Variants in PPFIBP1 observed in about 807,000 individuals in gnomAD.
The protein encoded by PPFIBP1 is PPFIB scaffold protein 1, also known as liprin-beta-1.
Under a neutral mutation model 137.8 loss-of-function variants are expected in PPFIBP1, and 112 were observed. The ratio of observed to expected loss-of-function variants is 0.81; its 90% CI spans 0.70 to 0.95. The LOEUF is 0.95. PPFIBP1 is among the 40% of genes least tolerant of loss of function. The pLI is 0.00. For synonymous variants in PPFIBP1, 378 were observed against 417.3 expected (o/e 0.91, Z 1.15); for missense variants, 1,083 against 1,196.6 (o/e 0.91, Z 1.40).
intron 1 of PPFIBP1, among the ~76,000 whole-genome samples, chr12:27,577,837 G>A (rs1053465756): frequency 1.3e-5 from 2 of 151,998 alleles, no homozygotes; most frequent in African/African-American, 4.8e-5. Flanking sequence ...CCTACCATGT[G>A]CTACTACTAC....
intron 24 of PPFIBP1, among the ~76,000 whole-genome samples, chr12:27,683,779 T>A (rs990028406): frequency 1.3e-5 from 2 of 151,284 alleles, no homozygotes; most frequent in African/African-American, 4.8e-5. Flanking sequence ...TTTTTATTTT[T>A]ATTTTTATTT....
chr12:27,636,708 C>G (rs1418957558), intron 4 of PPFIBP1: 2 of 152,004 alleles, frequency 1.3e-5, no homozygotes, highest in Non-Finnish European at 2.9e-5. Flanking sequence ...CTCCTTTTTT[C>G]AGAAACTACC....
intron 13 of PPFIBP1, among the ~76,000 whole-genome samples, chr12:27,669,853 G>A (rs2060074547): frequency 6.6e-6 from 1 of 152,222 alleles, no homozygotes; most frequent in Admixed American, 6.5e-5. Context: ...ACTTAAGTAA[G>A]TGAGTGTTCC....
At chr12:27,571,645 C>A (rs570289391) in intron 1 of PPFIBP1, among the ~76,000 whole-genome samples, 1 of 152,284 alleles carries the variant, frequency 6.6e-6, no homozygotes, top group South Asian at 2.1e-4. Context: ...CCTATGATGA[C>A]CTCACTGGGG....
chr12:27,527,756 T>C (rs1169757470), intron 1 of PPFIBP1, among the ~76,000 whole-genome samples: 1 of 152,112 alleles, frequency 6.6e-6, no homozygotes, highest in Non-Finnish European at 1.5e-5. Context: ...GAAAGTCATA[T>C]TAGCTCCAAA....
At chr12:27,688,139 A>C (rs2061311375) in intron 25 of PPFIBP1, 159 bp from the exon 26 acceptor site, 4 of 848,520 alleles carry the variant, frequency 4.7e-6, no homozygotes, top group Non-Finnish European at 5.5e-6. Context: ...GTATATAAGA[A>C]AGCTTGAAAC....
chr12:27,582,118 T>C (rs2051191372), intron 2 of PPFIBP1, among the ~76,000 whole-genome samples: 3 of 152,098 alleles, frequency 2.0e-5, no homozygotes, highest in Admixed American at 6.6e-5. Flanking sequence ...CCAATGACTT[T>C]GATTTTTTTT....
intron 1 of PPFIBP1, among the ~76,000 whole-genome samples, chr12:27,571,199 A>G (rs2050113918): frequency 6.6e-6 from 1 of 152,196 alleles, no homozygotes; most frequent in African/African-American, 2.4e-5. Flanking sequence ...ATTCTGATGG[A>G]TGTACCTCAG....
chr12:27,545,265 A>G lies in PPFIBP1; in HGVS notation c.-124+20900A>G, dbSNP rs1033251199. On this transcript the variant is annotated intron_variant, in intron 1 of 29. Transcript: ENST00000228425. ...GGGGGGCAAAGGGAGGGATAGCATT[A>G]GGAGAAATACCTAATGTAGATGACG... 2.6e-5 allele frequency among the ~76,000 whole-genome samples: 4 copies of G among 152,318 alleles called. No homozygotes were observed. In the East Asian group the frequency reaches 7.7e-4, roughly 29 times the overall value.
intron 1 of PPFIBP1, among the ~76,000 whole-genome samples, chr12:27,539,757 CAT>C (rs889765874): frequency 4.0e-5 from 6 of 151,564 alleles, no homozygotes; most frequent in African/African-American, 1.2e-4. Context: ...ATTTGAGTAA[CAT>C]AGAAAAAATA....
At chr12:27,570,881 C>G (rs560962415) in intron 1 of PPFIBP1, among the ~76,000 whole-genome samples, 2 of 152,038 alleles carry the variant, frequency 1.3e-5, no homozygotes, top group African/African-American at 2.4e-5. Context: ...CCACTGCACT[C>G]TAGCCTGGGC....
At chr12:27,551,694 C>T (rs1163075630) in intron 1 of PPFIBP1, among the ~76,000 whole-genome samples, 1 of 152,200 alleles carries the variant, frequency 6.6e-6, no homozygotes, top group Non-Finnish European at 1.5e-5. Context: ...GCCAAAGTCT[C>T]TGTAACAACT....
At chr12:27,651,712 C>A (rs1184599380) in intron 7 of PPFIBP1, among the ~76,000 whole-genome samples, 2 of 152,096 alleles carry the variant, frequency 1.3e-5, no homozygotes, top group Non-Finnish European at 2.9e-5. Flanking sequence ...TTCTACATTG[C>A]GTCCACAAAG....
At chr12:27,639,889 A>G (rs1166971715) in intron 4 of PPFIBP1, among the ~76,000 whole-genome samples, 2 of 152,324 alleles carry the variant, frequency 1.3e-5, no homozygotes, top group African/African-American at 4.8e-5. Flanking sequence ...CCTGACTCCC[A>G]GCCCCACGAA....
chr12:27,689,524 G>C (rs1308957162), intron 27 of PPFIBP1, among the ~76,000 whole-genome samples: 1 of 152,168 alleles, frequency 6.6e-6, no homozygotes, highest in Non-Finnish European at 1.5e-5. Context: ...TAAAGGGACA[G>C]TACACTCCAA....
chr12:27,641,946 A>AAAATAAATAAAT (rs55663709), intron 4 of PPFIBP1, among the ~76,000 whole-genome samples: 3,370 of 147,866 alleles, frequency 0.023, 46 homozygotes, highest in Non-Finnish European at 0.031. Flanking sequence ...TGCAACTGCA[A>AAAATAAATAAAT]AAATAAATAA....
chr12:27,531,594 C>T (rs1013130853), intron 1 of PPFIBP1, among the ~76,000 whole-genome samples: 3 of 152,180 alleles, frequency 2.0e-5, no homozygotes, highest in Middle Eastern at 3.4e-3. Flanking sequence ...TGAGCCACCA[C>T]GTCCGGCCAG....
At chr12:27,564,271 C>T (rs560466732) in intron 1 of PPFIBP1, among the ~76,000 whole-genome samples, 208 of 152,334 alleles carry the variant, frequency 1.4e-3, no homozygotes, top group African/African-American at 4.4e-3. Context: ...ATAATATATA[C>T]AGTCCTCTGC....
intron 17 of PPFIBP1, among the ~76,000 whole-genome samples, chr12:27,676,037 T>C (rs1052980221): frequency 6.6e-6 from 1 of 152,246 alleles, no homozygotes; most frequent in Non-Finnish European, 1.5e-5. Context: ...AACTGTATTA[T>C]AGCTAAATCC....
Sources: gnomAD v4.1 joint callset for allele counts (sites outside exome capture counted in the v4.1 genomes callset) on GRCh38, gnomAD v4.1.1 for gene constraint, MANE v1.5 for transcripts, NCBI Gene and HGNC (gene_info 2026-07-23, HGNC 2026-07-21) for gene names.